PPIH: variants seen among roughly 807,000 people sequenced by gnomAD.
PPIH encodes the protein peptidyl-prolyl cis-trans isomerase H.
Under a neutral mutation model 27.6 loss-of-function variants are expected in PPIH, and 16 were observed. The observed-to-expected ratio is 0.58, with a 90% CI of 0.39 to 0.88. The LOEUF (loss-of-function observed/expected upper bound fraction) is 0.88, where lower values mean the gene tolerates loss of function less well. Ranked by LOEUF, PPIH falls within the 40% of genes least tolerant of loss-of-function variation. The pLI, the probability that PPIH is intolerant of heterozygous loss-of-function variation, is 0.00. For synonymous variants in PPIH, 63 were observed against 76.1 expected (o/e 0.83, Z 0.90); for missense variants, 155 against 224.1 (o/e 0.69, Z 1.97).
intron 1 of PPIH, 135 bp from the exon 2 acceptor site, chr1:42,658,709 T>G (rs1648806356): frequency 1.7e-6 from 2 of 1,175,936 alleles, no homozygotes; most frequent in East Asian, 4.7e-5. Context: ...CTGGAGGAAC[T>G]GGGCGGTTAG....
intron 5 of PPIH, among the ~76,000 whole-genome samples, chr1:42,662,111 C>A (rs933164527): frequency 1.3e-5 from 2 of 152,186 alleles, no homozygotes; most frequent in African/African-American, 4.8e-5. Context: ...CTATCCTCTG[C>A]CTTCTTTCCT....
intron 5 of PPIH, among the ~76,000 whole-genome samples, chr1:42,664,504 G>T (rs899283564): frequency 6.6e-6 from 1 of 152,146 alleles, no homozygotes; most frequent in African/African-American, 2.4e-5. Flanking sequence ...CACTTAAGTG[G>T]GTACTTTTAT....
downstream of PPIH, among the ~76,000 whole-genome samples, chr1:42,680,606 G>A (rs1285606820): frequency 3.9e-5 from 6 of 152,178 alleles, no homozygotes; most frequent in African/African-American, 1.4e-4. Flanking sequence ...GAACTTTCTG[G>A]CTGTTGTGGT....
downstream of PPIH, among the ~76,000 whole-genome samples, chr1:42,677,943 C>T (rs1649936867): frequency 6.6e-6 from 1 of 152,194 alleles, no homozygotes; most frequent in African/African-American, 2.4e-5. Context: ...TAACTACTGG[C>T]AGCAAGATAC....
downstream of PPIH, among the ~76,000 whole-genome samples, chr1:42,680,692 C>T (rs960846203): frequency 3.3e-5 from 5 of 152,100 alleles, no homozygotes; most frequent in African/African-American, 4.8e-5. Flanking sequence ...TAGGGGTCAG[C>T]CGACTACACT....
At chr1:42,667,203 G>A (rs893409139) in intron 8 of PPIH, 148 bp from the exon 9 acceptor site, 17 of 646,068 alleles carry the variant, frequency 2.6e-5, no homozygotes, top group East Asian at 2.2e-4. Flanking sequence ...TCTTTGATAG[G>A]TATTATATGC....
At chr1:42,658,978 A>T (rs1230060849) in intron 2 of PPIH, 70 bp downstream of exon 2, 7 of 1,529,548 alleles carry the variant, frequency 4.6e-6, no homozygotes, top group Non-Finnish European at 6.3e-6. Context: ...CGCCTGAAAT[A>T]GCCTGTCTAC....
At chr1:42,659,022 A>AT (rs751095901) in intron 2 of PPIH, 114 bp downstream of exon 2, 209 of 1,359,230 alleles carry the variant, frequency 1.5e-4, no homozygotes, top group Non-Finnish European at 2.1e-4. Context: ...TTGAGACCTG[A>AT]TTCCTCCATG....
intron 9 of PPIH, among the ~76,000 whole-genome samples, chr1:42,673,222 C>A (rs542857480): frequency 6.6e-6 from 1 of 152,046 alleles, no homozygotes; most frequent in Non-Finnish European, 1.5e-5. Flanking sequence ...TGGCTTCAAG[C>A]GATCTTCCCA....
chr1:42,679,169 G>T (rs541917589), downstream of PPIH, among the ~76,000 whole-genome samples: 1 of 152,176 alleles, frequency 6.6e-6, no homozygotes, highest in Non-Finnish European at 1.5e-5. Context: ...ATGAACTATT[G>T]GTGCTTGTAG....
At chr1:42,659,466 T>A (rs75988684) in intron 3 of PPIH, 56 bp from the exon 4 acceptor site, 1 of 1,614,058 alleles carries the variant, frequency 6.2e-7, no homozygotes, top group African/African-American at 1.3e-5. Flanking sequence ...CATGGTAAAC[T>A]GGAAAGGCCT....
intron 6 of PPIH, among the ~76,000 whole-genome samples, chr1:42,665,768 T>C (rs1649297771): frequency 6.6e-6 from 1 of 152,170 alleles, no homozygotes; most frequent in Admixed American, 6.5e-5. Context: ...GGAGGATTGC[T>C]TGAGCCCAGG....
At chr1:42,666,114 T>C (rs1198952499) in intron 7 of PPIH, 47 bp downstream of exon 7, 1 of 1,542,012 alleles carries the variant, frequency 6.5e-7, no homozygotes, top group South Asian at 1.1e-5. Context: ...TCACCCTGGA[T>C]GGAACCTCCA....
intron 9 of PPIH, 56 bp downstream of exon 9, chr1:42,667,496 G>A (rs941955814): frequency 4.2e-6 from 6 of 1,423,418 alleles, no homozygotes; most frequent in Non-Finnish European, 3.9e-6. Flanking sequence ...AAGGCAGCAT[G>A]GTCTAGTGGA....
At chr1:42,666,846 A>G (rs193121358) in intron 8 of PPIH, among the ~76,000 whole-genome samples, 14 of 152,076 alleles carry the variant, frequency 9.2e-5, no homozygotes, top group South Asian at 4.2e-4. Flanking sequence ...GTCCCTGTCT[A>G]CCTCTCCATG....
chr1:42,670,563 G>A (rs1649573587), intron 9 of PPIH, among the ~76,000 whole-genome samples: 1 of 151,570 alleles, frequency 6.6e-6, no homozygotes, highest in South Asian at 2.1e-4. Flanking sequence ...ATGAACTTTT[G>A]CTTCCAAGAA....
intron 6 of PPIH, among the ~76,000 whole-genome samples, chr1:42,665,674 G>T (rs1368979645): frequency 1.3e-5 from 2 of 151,060 alleles, no homozygotes; most frequent in Non-Finnish European, 3.0e-5. Flanking sequence ...GTGAGACTTA[G>T]TCTCTACTTA....
At chr1:42,679,933 C>T (rs886098265), downstream of PPIH, among the ~76,000 whole-genome samples, 1 of 152,186 alleles carries the variant, frequency 6.6e-6, no homozygotes, top group East Asian at 1.9e-4. Context: ...GCTGCCAGTA[C>T]CTTTTTCAAT....
At chr1:42,676,273 G>C (rs1339403653) in intron 9 of PPIH, among the ~76,000 whole-genome samples, 1 of 152,064 alleles carries the variant, frequency 6.6e-6, no homozygotes. Flanking sequence ...TTCAAGACCA[G>C]CCTGGTCAAT....
Sources: allele counts gnomAD v4.1 joint callset (sites outside exome capture counted in the v4.1 genomes callset), GRCh38; gene constraint gnomAD v4.1.1; transcripts MANE v1.5; gene names NCBI Gene and HGNC (gene_info 2026-07-23, HGNC 2026-07-21).